PIR: variants seen among roughly 807,000 people sequenced by gnomAD.
The protein encoded by PIR is pirin.
Under a neutral mutation model 24.2 loss-of-function variants are expected in PIR, and 22 were observed. The ratio of observed to expected loss-of-function variants is 0.91; its 90% CI spans 0.65 to 1.30. The LOEUF (loss-of-function observed/expected upper bound fraction) is 1.30. PIR is among the 50% of genes most tolerant of loss of function. The probability of loss-of-function intolerance (pLI) is 0.00; values close to 1 mark genes in which losing one functional copy is unlikely to be tolerated. For synonymous variants in PIR, 80 were observed against 79.6 expected (o/e 1.00, Z -0.03); for missense variants, 220 against 220.3 (o/e 1.00, Z 0.01).
intron 5 of PIR, among the ~76,000 whole-genome samples, chrX:15,430,792 G>A (rs1925481655): frequency 9.0e-6 from 1 of 111,581 alleles, no homozygotes; most frequent in Non-Finnish European, 1.9e-5. Flanking sequence ...AAGCTATGTG[G>A]CTTAAAAACA....
At chrX:15,415,631 T>G (rs1251094326) in intron 6 of PIR, among the ~76,000 whole-genome samples, 1 of 111,831 alleles carries the variant, frequency 8.9e-6, no homozygotes, top group Non-Finnish European at 1.9e-5. Context: ...GAATATAAAG[T>G]GTTCTTATCA....
chrX:15,409,656 T>G (rs190903856), intron 6 of PIR, among the ~76,000 whole-genome samples: 1 of 111,687 alleles, frequency 9.0e-6, no homozygotes, highest in East Asian at 2.8e-4. Context: ...TGAGCTTTTC[T>G]ACTTCTATTT....
intron 7 of PIR, among the ~76,000 whole-genome samples, chrX:15,402,474 G>A (rs1403139193): frequency 9.0e-6 from 1 of 111,534 alleles, no homozygotes; most frequent in African/African-American, 3.3e-5. Flanking sequence ...ATCACATCGT[G>A]GAGCATGGGG....
At chrX:15,412,808 C>T (rs955624841) in intron 6 of PIR, among the ~76,000 whole-genome samples, 6 of 112,140 alleles carry the variant, frequency 5.4e-5, no homozygotes, top group Non-Finnish European at 9.4e-5. Flanking sequence ...TGGAGAACCA[C>T]GGAAAACAAA....
At chrX:15,389,984 G>T in intron 9 of PIR, 1 of 276,466 alleles carries the variant, frequency 3.6e-6, no homozygotes, top group Non-Finnish European at 6.6e-6. Context: ...TCTAAGAAAT[G>T]TTTCTTTAAA....
intron 7 of PIR, among the ~76,000 whole-genome samples, chrX:15,403,202 T>C (rs1357210877): frequency 1.8e-5 from 2 of 112,121 alleles, no homozygotes; most frequent in Non-Finnish European, 3.8e-5. Context: ...TTCAAACTGC[T>C]TAATATCACC....
intron 2 of PIR, among the ~76,000 whole-genome samples, chrX:15,486,910 G>A (rs1248494730): frequency 1.8e-5 from 2 of 112,262 alleles, no homozygotes; most frequent in Non-Finnish European, 3.8e-5. Context: ...GTTACACACA[G>A]TTGAACCTAA....
intron 6 of PIR, among the ~76,000 whole-genome samples, chrX:15,419,596 CTATAAAAATGTTTTTGAGGCCGGG>C (rs973700173): frequency 4.5e-5 from 5 of 111,419 alleles, no homozygotes; most frequent in African/African-American, 1.6e-4. Context: ...TGTTGTATCC[CTATAAAAATGTTTTTGAGGCCGGG>C]TGTGGTAGTT....
At chrX:15,409,437 A>G (rs996211292) in intron 6 of PIR, among the ~76,000 whole-genome samples, 1 of 111,021 alleles carries the variant, frequency 9.0e-6, no homozygotes, top group African/African-American at 3.3e-5. Context: ...ACCATCATTT[A>G]CTGAACATCT....
In PIR at chrX:15,456,072, A is replaced by G; in HGVS notation, c.274-18T>C. ...GTCATCCACTGCAAACACAAAACCA[A>G]CAAGAGGGAAATGTAACCAAGCTCC... On this transcript the variant is annotated intron_variant, in intron 4 of 9. Coordinates refer to ENST00000380420, the MANE Select transcript of PIR (RefSeq NM_001018109.3). 1 of 1,181,639 alleles carries G rather than the reference A, an allele frequency of 8.5e-7. No individual in the cohort carries two copies.
intron 6 of PIR, among the ~76,000 whole-genome samples, chrX:15,416,593 G>A (rs1023392592): frequency 9.9e-5 from 11 of 111,566 alleles, no homozygotes; most frequent in Middle Eastern, 4.2e-3. Flanking sequence ...CCTGCCTCCC[G>A]TATTGCCCTA....
chrX:15,479,680 G>C (rs1208336118), intron 3 of PIR, 49 bp downstream of exon 3: 1 of 576,522 alleles, frequency 1.7e-6, no homozygotes, highest in Non-Finnish European at 2.7e-6. Flanking sequence ...TTAGAAGAAA[G>C]AGGTATGTTT....
intron 6 of PIR, among the ~76,000 whole-genome samples, chrX:15,424,700 A>G (rs1461497901): frequency 3.6e-5 from 4 of 112,431 alleles, no homozygotes; most frequent in Non-Finnish European, 5.6e-5. Context: ...AATTAAAAAA[A>G]TTATTTAAAA....
intron 6 of PIR, 103 bp from the exon 7 acceptor site, chrX:15,407,653 C>CT (rs1341141390): frequency 3.4e-6 from 2 of 588,494 alleles, no homozygotes; most frequent in Non-Finnish European, 2.9e-6. Context: ...AGACGAAATC[C>CT]TTTTTTTCCC....
At chrX:15,452,848 T>G (rs1920981144) in intron 5 of PIR, among the ~76,000 whole-genome samples, 1 of 112,304 alleles carries the variant, frequency 8.9e-6, no homozygotes, top group African/African-American at 3.2e-5. Flanking sequence ...AATATTAAAG[T>G]TGAAGAAGTG....
At chrX:15,425,766 A>G in intron 6 of PIR, 140 bp downstream of exon 6, 1 of 470,820 alleles carries the variant, frequency 2.1e-6, no homozygotes, top group South Asian at 3.7e-5. Flanking sequence ...TTTAAACACA[A>G]TTAAACATAA....
Position 15,433,560 on chromosome X carries a change from A to G in PIR, c.481-7570T>C, listed in dbSNP as rs867600914. Among the ~76,000 whole-genome samples the G allele has an allele frequency of 1.0e-3, 103 of 100,808 alleles. 2 individuals carry two copies. Among genetic ancestry groups the G allele is most frequent in the African/African-American group, 2.8e-3 (75 of 27,041 alleles). 87.5% of individuals were successfully genotyped at this position (100,808 alleles called of 115,157 possible). ...AGAAAGAAAGAGAGAGAAAGAAAGA[A>G]AGAGAGAGAAAGAAAGAAATGAGGA... On this transcript the variant is annotated intron_variant, in intron 5 of 9. Coordinates refer to ENST00000380420, the MANE Select transcript of PIR (RefSeq NM_001018109.3).
At chrX:15,399,692 T>TA (rs1485429432) in intron 7 of PIR, among the ~76,000 whole-genome samples, 3 of 111,934 alleles carry the variant, frequency 2.7e-5, no homozygotes, top group East Asian at 5.5e-4. Flanking sequence ...GTTTTGTAGA[T>TA]ATCTCAAAAT....
rs375353069 is a variant in PIR, at chrX:15,439,984, TTCTC to T, written c.481-13998_481-13995del. Among the ~76,000 whole-genome samples, 428 of 108,176 alleles carry T rather than the reference TTCTC, an allele frequency of 4.0e-3. 2 individuals carry two copies. Among genetic ancestry groups the T allele is most frequent in the African/African-American group, 0.014 (406 of 29,856 alleles). The allele number at this position is 108,176 out of a possible 115,157, so 93.9% of individuals were successfully genotyped here. On this transcript the variant is annotated intron_variant, in intron 5 of 9. Transcript: ENST00000380420. ...TTAAAAGCTGGTGTTAGACACAAAT[TTCTC>T]TCTCTCTCTCTCTCTGTCTCTCTGG...
Sources: gnomAD v4.1 joint callset for allele counts (sites outside exome capture counted in the v4.1 genomes callset) on GRCh38, gnomAD v4.1.1 for gene constraint, MANE v1.5 for transcripts, NCBI Gene and HGNC (gene_info 2026-07-23, HGNC 2026-07-21) for gene names.